The following MARCHF3 variants were observed in gnomAD, a reference collection of about 807,000 sequenced individuals.
MARCHF3 encodes the protein E3 ubiquitin-protein ligase MARCHF3.
A neutral mutation model predicts 24.2 loss-of-function variants in MARCHF3; 13 were observed. That is an observed-to-expected ratio of 0.54 (90% CI 0.35 to 0.85). The LOEUF is 0.85. MARCHF3 is among the 40% of genes least tolerant of loss of function. The pLI is 0.01. For synonymous variants in MARCHF3, 144 were observed against 137.3 expected (o/e 1.05, Z -0.34); for missense variants, 276 against 325.0 (o/e 0.85, Z 1.16).
intron 1 of MARCHF3, among the ~76,000 whole-genome samples, chr5:126,936,081 T>C (rs1749636726): frequency 6.6e-6 from 1 of 152,108 alleles, no homozygotes; most frequent in Admixed American, 6.6e-5. Flanking sequence ...AAAGAGTGTT[T>C]GCTGGGGTGT....
intron 1 of MARCHF3, among the ~76,000 whole-genome samples, chr5:126,991,984 A>C (rs1389581493): frequency 6.6e-6 from 1 of 152,184 alleles, no homozygotes; most frequent in Non-Finnish European, 1.5e-5. Context: ...AAGCTGAACA[A>C]TTCACTTGGA....
At position 126,972,925 on chromosome 5, in the gene MARCHF3, G is replaced by A. The variant is rs141752289; in HGVS notation, c.-56-54698C>T. 3.0e-3 allele frequency among the ~76,000 whole-genome samples: 464 copies of A among 152,218 alleles called. 1 individual carries two copies. The highest frequency in any genetic ancestry group is 0.011 in the African/African-American group (447 of 41,526). On this transcript the variant is annotated intron_variant, in intron 1 of 4. Coordinates refer to ENST00000308660, the MANE Select transcript of MARCHF3 (RefSeq NM_178450.5). The stretch of plus-strand genomic sequence containing the variant: ...TAATTTATATACCACATTTCTCCCC[G>A]TACCCAACAAAAGTGTATGCTAATG...
chr5:126,894,460 G>A (rs1418229811), intron 3 of MARCHF3, among the ~76,000 whole-genome samples: 2 of 151,198 alleles, frequency 1.3e-5, no homozygotes, highest in African/African-American at 4.9e-5. Context: ...GCTTCCTTCA[G>A]GAGCTCTTTT....
intron 1 of MARCHF3, among the ~76,000 whole-genome samples, chr5:127,008,997 G>A (rs1752400288): frequency 6.6e-6 from 1 of 151,970 alleles, no homozygotes; most frequent in Non-Finnish European, 1.5e-5. Flanking sequence ...AGCAGGATCT[G>A]GTTACCTATA....
At chr5:127,030,168 T>C (rs1325768189) in intron 1 of MARCHF3, 182 bp downstream of exon 1, 2 of 152,154 alleles carry the variant, frequency 1.3e-5, no homozygotes, top group Non-Finnish European at 2.9e-5. Flanking sequence ...TTGGGATGCT[T>C]TGACAAGAAG....
At chr5:126,962,834 CGTGTGTGT>C (rs10635460) in intron 1 of MARCHF3, among the ~76,000 whole-genome samples, 1 of 147,548 alleles carries the variant, frequency 6.8e-6, no homozygotes. Flanking sequence ...TGTGTGTGTG[CGTGTGTGT>C]GTGTGTGTGT....
At chr5:126,899,568 A>T (rs1207324335) in intron 3 of MARCHF3, among the ~76,000 whole-genome samples, 2 of 152,116 alleles carry the variant, frequency 1.3e-5, no homozygotes, top group Non-Finnish European at 2.9e-5. Context: ...GAGTAACTAA[A>T]TGAGAAGAAA....
At chr5:126,965,013 G>C (rs959310113) in intron 1 of MARCHF3, among the ~76,000 whole-genome samples, 1 of 128,848 alleles carries the variant, frequency 7.8e-6, no homozygotes, top group Non-Finnish European at 1.6e-5. Context: ...GAAGAAACAT[G>C]TTCTTAGTAA....
intron 1 of MARCHF3, among the ~76,000 whole-genome samples, chr5:126,934,931 A>G (rs1749594695): frequency 6.6e-6 from 1 of 152,088 alleles, no homozygotes. Context: ...GCCCCCACCG[A>G]TTTGAAACTC....
chr5:126,991,331 A>G (rs1036932167), intron 1 of MARCHF3, among the ~76,000 whole-genome samples: 1 of 152,136 alleles, frequency 6.6e-6, no homozygotes, highest in Non-Finnish European at 1.5e-5. Context: ...TCTCACTCTT[A>G]GGTGGGAACT....
chr5:126,993,368 G>A (rs574308817), intron 1 of MARCHF3, among the ~76,000 whole-genome samples: 4 of 152,268 alleles, frequency 2.6e-5, no homozygotes, highest in African/African-American at 9.6e-5. Flanking sequence ...TTCAGATGAG[G>A]AGCTAAAAGT....
At chr5:126,899,573 A>G (rs1190478450) in intron 3 of MARCHF3, among the ~76,000 whole-genome samples, 2 of 152,118 alleles carry the variant, frequency 1.3e-5, no homozygotes, top group East Asian at 3.8e-4. Context: ...ACTAAATGAG[A>G]AGAAAAAAAG....
chr5:126,876,347 C>T (rs1458336256), intron 4 of MARCHF3, among the ~76,000 whole-genome samples: 2 of 152,214 alleles, frequency 1.3e-5, no homozygotes, highest in African/African-American at 4.8e-5. Context: ...TAGAAAACCT[C>T]TAAACATGGC....
chr5:126,909,703 C>T (rs1754448986), intron 3 of MARCHF3, among the ~76,000 whole-genome samples: 1 of 152,130 alleles, frequency 6.6e-6, no homozygotes, highest in Non-Finnish European at 1.5e-5. Flanking sequence ...TGACCTGGGC[C>T]CACTGTCTGG....
In MARCHF3 at chr5:126,915,132, G is replaced by A; in HGVS notation, c.191C>T (p.Pro64Leu). ...CCTGCACATCGGCCGGTCATTGAAG[G>A]GGCTGCAAGAGAAGGAGGGGCACCT... ...TVVRTLATQS[P>L]FNDRPMCRIC... The change falls in exon 3 of 5, where the codon CCC (proline) becomes CTC (leucine). Residue 64 changes from proline to leucine, a missense_variant and splice_region_variant. Pro to Leu is a moderately conservative substitution (Grantham distance 98). Transcript: ENST00000308660. 1 of 1,613,266 alleles carries A rather than the reference G, an allele frequency of 6.2e-7. No individual in the cohort carries two copies. The highest frequency in any genetic ancestry group is 8.5e-7 in the Non-Finnish European group (1 of 1,179,934).
intron 1 of MARCHF3, among the ~76,000 whole-genome samples, chr5:126,947,350 C>A (rs1219477881): frequency 1.3e-5 from 2 of 152,208 alleles, no homozygotes; most frequent in Non-Finnish European, 2.9e-5. Context: ...AAAATAACCT[C>A]TTAAACCCTT....
chr5:126,936,445 T>C (rs1049477003), intron 1 of MARCHF3, among the ~76,000 whole-genome samples: 1 of 152,190 alleles, frequency 6.6e-6, no homozygotes, highest in African/African-American at 2.4e-5. Flanking sequence ...CATGAGTTTA[T>C]AACATGTTTA....
intron 1 of MARCHF3, among the ~76,000 whole-genome samples, chr5:127,029,179 T>A (rs74919554): frequency 0.026 from 3,958 of 152,310 alleles, 78 homozygotes; most frequent in South Asian, 0.046. Context: ...AATTTCCCCT[T>A]CATATATTTA....
At chr5:126,908,319 G>C (rs1373546522) in intron 3 of MARCHF3, among the ~76,000 whole-genome samples, 1 of 152,046 alleles carries the variant, frequency 6.6e-6, no homozygotes, top group Non-Finnish European at 1.5e-5. Flanking sequence ...TCTTCTCGAG[G>C]AGTATCTTTG....
Sources: allele counts gnomAD v4.1 joint callset (sites outside exome capture counted in the v4.1 genomes callset), GRCh38; gene constraint gnomAD v4.1.1; transcripts MANE v1.5; gene names NCBI Gene and HGNC (gene_info 2026-07-23, HGNC 2026-07-21).